Variants in DUS2 observed in about 807,000 individuals in gnomAD.
DUS2 encodes dihydrouridine synthase 2.
DUS2 carries 52 observed loss-of-function variants against 71.3 expected under a neutral mutation model. The observed-to-expected ratio is 0.73, with a 90% CI of 0.58 to 0.92. The LOEUF is 0.92. Ranked by LOEUF, DUS2 falls within the 40% of genes least tolerant of loss-of-function variation. The pLI is 0.00. For synonymous variants in DUS2, 204 were observed against 227.8 expected, an observed-to-expected ratio of 0.90 and a Z score of 0.94; for missense variants, 558 against 622.6, an observed-to-expected ratio of 0.90 and a Z score of 1.10.
At chr16:68,057,235 C>A (rs1278327463) in intron 7 of DUS2, among the ~76,000 whole-genome samples, 2 of 142,212 alleles carry the variant, frequency 1.4e-5, no homozygotes, top group Non-Finnish European at 3.0e-5. Context: ...TGTATAGATA[C>A]ATATATATAT....
At chr16:68,051,464 C>T (rs1022376870) in intron 4 of DUS2, among the ~76,000 whole-genome samples, 1 of 152,106 alleles carries the variant, frequency 6.6e-6, no homozygotes, top group Non-Finnish European at 1.5e-5. Context: ...GACCATAGCT[C>T]GCTGCAGCCT....
Position 68,075,466 on chromosome 16 carries a change from T to A in DUS2, c.1044T>A (p.Asp348Glu). ...TSEQTGEPAE[D>E]TSGVIKMAVK... The stretch of plus-strand genomic sequence containing the variant: ...AGCAGACAGGGGAGCCAGCTGAAGA[T>A]ACCTCTGGTGTCATTAAGATGGCTG... Residue 348 changes from aspartate to glutamate, a missense_variant, in exon 14 of 17, where the codon GAT becomes GAA. Coordinates refer to ENST00000565263, the MANE Select transcript of DUS2 (RefSeq NM_017803.5). 6.2e-7 allele frequency: 1 copy of A among 1,613,856 alleles called. No homozygotes were observed. Among genetic ancestry groups the A allele is most frequent in the Non-Finnish European group, 8.5e-7 (1 of 1,179,862 alleles).
intron 2 of DUS2, among the ~76,000 whole-genome samples, chr16:68,029,528 C>T (rs1168225087): frequency 2.0e-5 from 3 of 151,956 alleles, no homozygotes; most frequent in Non-Finnish European, 4.4e-5. Context: ...CTCACTGCAG[C>T]CTCCACCTCA....
chr16:68,074,739 G>C (rs2034133919), intron 13 of DUS2, among the ~76,000 whole-genome samples: 1 of 152,224 alleles, frequency 6.6e-6, no homozygotes, highest in Non-Finnish European at 1.5e-5. Flanking sequence ...CTCTTACATA[G>C]ATGCCTTTCT....
chr16:68,029,675 G>A (rs549808824), intron 2 of DUS2, among the ~76,000 whole-genome samples: 2 of 152,080 alleles, frequency 1.3e-5, no homozygotes, highest in Non-Finnish European at 2.9e-5. Flanking sequence ...TTGAACTACT[G>A]AGCTCAGGTA....
At chr16:68,035,543 T>C (rs1219323625) in intron 2 of DUS2, among the ~76,000 whole-genome samples, 3 of 151,922 alleles carry the variant, frequency 2.0e-5, no homozygotes, top group African/African-American at 7.2e-5. Flanking sequence ...CCACCATGCC[T>C]GGGTAATTAA....
intron 8 of DUS2, 129 bp from the exon 9 acceptor site, chr16:68,066,188 C>A (rs916221841): frequency 2.4e-6 from 2 of 823,872 alleles, no homozygotes; most frequent in Admixed American, 3.5e-5. Context: ...CAGACACACA[C>A]ATGCATTCAC....
At chr16:68,064,932 C>G (rs1038158286) in intron 8 of DUS2, among the ~76,000 whole-genome samples, 1 of 152,220 alleles carries the variant, frequency 6.6e-6, no homozygotes, top group South Asian at 2.1e-4. Flanking sequence ...CAGCAGCCAC[C>G]TAGATATCCC....
In DUS2 at chr16:68,044,552, C is replaced by T. The variant is rs147924518; in HGVS notation, c.127-4953C>T. ...CTGGGACTACAGCCATACTCCACCCCACATGGCTAATTTTTGTATTTTTTT... is the reference window on the plus strand; with the variant it reads ...CTGGGACTACAGCCATACTCCACCCTACATGGCTAATTTTTGTATTTTTTT... On this transcript the variant is annotated intron_variant, in intron 3 of 16. Transcript: ENST00000565263. Among the ~76,000 whole-genome samples the T allele has an allele frequency of 6.3e-4, 95 of 151,748 alleles. 1 individual carries two copies. The East Asian group carries it at 0.018, about 28-fold the overall frequency.
At chr16:68,049,248 G>A (rs1444033290) in intron 3 of DUS2, among the ~76,000 whole-genome samples, 1 of 152,088 alleles carries the variant, frequency 6.6e-6, no homozygotes, top group East Asian at 1.9e-4. Flanking sequence ...TGTCTTTCTG[G>A]CTAAGTGGTT....
At chr16:68,045,697 C>T (rs896515500) in intron 3 of DUS2, among the ~76,000 whole-genome samples, 2 of 147,798 alleles carry the variant, frequency 1.4e-5, no homozygotes, top group Non-Finnish European at 3.0e-5. Flanking sequence ...TTTTTTCTAC[C>T]TAATTGTCCT....
intron 8 of DUS2, 147 bp from the exon 9 acceptor site, chr16:68,066,170 G>T: frequency 1.3e-6 from 1 of 767,096 alleles, no homozygotes; most frequent in South Asian, 1.5e-5. Flanking sequence ...ATGTGTGTAT[G>T]TGTGTAACAG....
chr16:68,066,750 C>G, intron 10 of DUS2, 114 bp downstream of exon 10: 1 of 1,009,054 alleles, frequency 9.9e-7, no homozygotes, highest in Non-Finnish European at 1.5e-6. Context: ...ACATATTCAG[C>G]CTACCTCTGC....
chr16:68,027,239 GT>G lies in DUS2; in HGVS notation c.-19+1760del, dbSNP rs1251832254. ...GTTGCACTTGGTCCATTAACTTCTTGTTTTTTTTTTTTTTTGGAGATGGAGT... is the reference window on the plus strand; with the variant it reads ...GTTGCACTTGGTCCATTAACTTCTTGTTTTTTTTTTTTTTGGAGATGGAGT... On this transcript the variant is annotated intron_variant, in intron 2 of 16. Coordinates refer to ENST00000565263, the MANE Select transcript of DUS2 (RefSeq NM_017803.5). 2.3e-3 allele frequency among the ~76,000 whole-genome samples: 319 copies of G among 139,928 alleles called. 2 individuals are homozygous for G. The highest frequency in any genetic ancestry group is 0.016 in the Middle Eastern group (4 of 258). The allele number at this position is 139,928 out of a possible 152,430, so 91.8% of individuals were successfully genotyped here.
At chr16:68,025,356 G>T (rs1476674391) in intron 1 of DUS2, 59 bp from the exon 2 acceptor site, 1 of 150,288 alleles carries the variant, frequency 6.7e-6, no homozygotes, top group African/African-American at 2.4e-5. Flanking sequence ...AAAAAAAAAG[G>T]TCCCTTGGAT....
chr16:68,039,186 A>C (rs2033582950), intron 3 of DUS2, among the ~76,000 whole-genome samples: 1 of 152,288 alleles, frequency 6.6e-6, no homozygotes, highest in Admixed American at 6.5e-5. Flanking sequence ...AAGAGGTAAA[A>C]GAATGAGAAA....
intron 8 of DUS2, among the ~76,000 whole-genome samples, chr16:68,065,375 C>CT (rs887537319): frequency 5.5e-4 from 82 of 149,956 alleles, no homozygotes; most frequent in African/African-American, 2.0e-3. Context: ...TCTGCCCCCC[C>CT]GCTTTTTTTT....
At chr16:68,076,252 G>A (rs2034155159) in intron 14 of DUS2, among the ~76,000 whole-genome samples, 1 of 152,194 alleles carries the variant, frequency 6.6e-6, no homozygotes, top group Non-Finnish European at 1.5e-5. Flanking sequence ...CTAGATCCCC[G>A]AGACCATTGT....
In DUS2 at chr16:68,066,576, C is replaced by A. The variant is rs2034007889; in HGVS notation, c.494C>A (p.Thr165Asn). Residue 165 changes from threonine to asparagine, a missense_variant, in exon 10 of 17, where the codon ACC becomes AAC. Coordinates refer to ENST00000565263, the MANE Select transcript of DUS2 (RefSeq NM_017803.5). Reference sequence around the variant, plus strand: ...GGTCCTCCTCCTCAGCTAGAAGATACCCTGAGCCTTGTGAAGCGGATAGAG... The same window carrying A: ...GGTCCTCCTCCTCAGCTAGAAGATAACCTGAGCCTTGTGAAGCGGATAGAG... ...KIRILPSLED[T>N]LSLVKRIERT... 4 of 1,614,080 alleles carry A rather than the reference C, an allele frequency of 2.5e-6. No homozygotes were observed. Among genetic ancestry groups the A allele is most frequent in the Non-Finnish European group, 2.5e-6 (3 of 1,180,032 alleles).
Sources: gnomAD v4.1 joint callset for allele counts (sites outside exome capture counted in the v4.1 genomes callset) on GRCh38, gnomAD v4.1.1 for gene constraint, MANE v1.5 for transcripts, NCBI Gene and HGNC (gene_info 2026-07-23, HGNC 2026-07-21) for gene names.